The following JMJD1C variants were observed in gnomAD, a reference collection of about 807,000 sequenced individuals.
The protein encoded by JMJD1C is jumonji domain-containing protein 1C.
A neutral mutation model predicts 245.3 loss-of-function variants in JMJD1C; 31 were observed. That is an observed-to-expected ratio of 0.13 (90% CI 0.09 to 0.17). JMJD1C has a LOEUF of 0.17. Among genes scored for constraint, JMJD1C ranks in the 10% least tolerant of loss-of-function variants. JMJD1C has a pLI of 1.00. For synonymous variants in JMJD1C, 1,057 were observed against 1,017.4 expected, an observed-to-expected ratio of 1.04 and a Z score of -0.74; for missense variants, 2,691 against 3,000.2, an observed-to-expected ratio of 0.90 and a Z score of 2.41.
At chr10:63,279,115 T>C (rs1341734074) in intron 2 of JMJD1C, among the ~76,000 whole-genome samples, 5 of 151,620 alleles carry the variant, frequency 3.3e-5, no homozygotes, top group Non-Finnish European at 7.4e-5. Context: ...TCCGGTGTGT[T>C]GGCGGGCGCC....
chr10:63,458,846 C>T (rs557067081), intron 1 of JMJD1C, among the ~76,000 whole-genome samples: 41 of 152,016 alleles, frequency 2.7e-4, no homozygotes, highest in African/African-American at 8.2e-4. Context: ...ACCTCAGTAC[C>T]CAAAGGAGCT....
chr10:63,445,033 C>G (rs550843905), intron 1 of JMJD1C, among the ~76,000 whole-genome samples: 1 of 152,064 alleles, frequency 6.6e-6, no homozygotes, highest in African/African-American at 2.4e-5. Context: ...TCAAGACCAG[C>G]CTGGGCAACA....
intron 2 of JMJD1C, among the ~76,000 whole-genome samples, chr10:63,269,800 C>T (rs368446981): frequency 3.3e-5 from 5 of 152,078 alleles, no homozygotes; most frequent in African/African-American, 1.2e-4. Context: ...AATTTGAAAG[C>T]ATAAAATGCA....
At chr10:63,184,115 T>C (rs1843817043) in intron 21 of JMJD1C, among the ~76,000 whole-genome samples, 1 of 151,682 alleles carries the variant, frequency 6.6e-6, no homozygotes, top group Admixed American at 6.6e-5. Flanking sequence ...TTAGTAGAGA[T>C]GGGGTTTCAC....
chr10:63,205,149 G>A, intron 10 of JMJD1C: 1 of 424,030 alleles, frequency 2.4e-6, no homozygotes, highest in South Asian at 9.9e-5. Context: ...TTGCCACAAA[G>A]GATATATAAT....
At chr10:63,357,534 G>A (rs978117483) in intron 2 of JMJD1C, among the ~76,000 whole-genome samples, 2 of 151,878 alleles carry the variant, frequency 1.3e-5, no homozygotes, top group Non-Finnish European at 2.9e-5. Flanking sequence ...TCGAACTCCC[G>A]ACCTCAGGTG....
intron 2 of JMJD1C, among the ~76,000 whole-genome samples, chr10:63,280,661 A>T (rs1028599402): frequency 3.3e-5 from 5 of 152,330 alleles, no homozygotes. Flanking sequence ...TTCAATTCTA[A>T]GATTTTAATA....
rs188087499 is a variant in JMJD1C at position 63,514,960 on chromosome 10, T to A, written n.113+6778A>T. Among the ~76,000 whole-genome samples, 496 of 151,916 alleles carry A rather than the reference T, an allele frequency of 3.3e-3. 2 individuals are homozygous for A. Among genetic ancestry groups the A allele is most frequent in the African/African-American group, 0.011 (475 of 41,418 alleles). Reference sequence around the variant, plus strand: ...TAATAATACTAAGTATTTTTTTTTTTAAAGCCTACAGTAAACAGGTGTTTT... The same window carrying A: ...TAATAATACTAAGTATTTTTTTTTTAAAAGCCTACAGTAAACAGGTGTTTT... On this transcript the variant is annotated intron_variant and non_coding_transcript_variant, in intron 1 of 3. Transcript: ENST00000633035.
At chr10:63,441,885 C>CT (rs1268580783) in intron 1 of JMJD1C, among the ~76,000 whole-genome samples, 1 of 152,208 alleles carries the variant, frequency 6.6e-6, no homozygotes, top group Non-Finnish European at 1.5e-5. Flanking sequence ...TCTCAATCCT[C>CT]TTCTCAATGT....
At chr10:63,278,345 G>T (rs1000478399) in intron 2 of JMJD1C, among the ~76,000 whole-genome samples, 1 of 142,924 alleles carries the variant, frequency 7.0e-6, no homozygotes, top group African/African-American at 2.6e-5. Context: ...AATTAAAAGA[G>T]AATAATAATA....
At position 63,214,429 on chromosome 10, in the gene JMJD1C, T is replaced by C. The variant is rs529610837; in HGVS notation, c.1738A>G (p.Thr580Ala). Residue 580 changes from threonine to alanine, a missense_variant, in exon 8 of 26, where the codon ACA becomes GCA. Physicochemically the swap from Thr to Ala is moderately conservative, Grantham distance 58. Transcript: ENST00000399262. Reference sequence around the variant, plus strand: ...TGATCATTTCCTGAAGAAGCATTTGTAACACTTGATTGGGTTAGATCCACT... The same window carrying C: ...TGATCATTTCCTGAAGAAGCATTTGCAACACTTGATTGGGTTAGATCCACT... ...VKVDLTQSSV[T>A]NASSGNDHLN... 1.1e-5 allele frequency: 17 copies of C among 1,613,880 alleles called. No individual in the cohort carries two copies. The highest frequency in any genetic ancestry group is 6.7e-5 in the Admixed American group (4 of 60,030).
intron 1 of JMJD1C, among the ~76,000 whole-genome samples, chr10:63,451,958 TA>T (rs1182297279): frequency 5.3e-5 from 8 of 152,054 alleles, no homozygotes; most frequent in Admixed American, 5.2e-4. Flanking sequence ...ATAGAAGAAC[TA>T]AATCAAGAGC....
chr10:63,223,321 A>C (rs1436996719), intron 3 of JMJD1C, among the ~76,000 whole-genome samples: 1 of 150,420 alleles, frequency 6.6e-6, no homozygotes, highest in African/African-American at 2.5e-5. Flanking sequence ...TTCGCCTCCC[A>C]AGTTCAAGCG....
At chr10:63,226,090 AG>A (rs1361400536) in intron 3 of JMJD1C, among the ~76,000 whole-genome samples, 3 of 151,762 alleles carry the variant, frequency 2.0e-5, no homozygotes, top group African/African-American at 7.3e-5. Context: ...TTTATATGTA[AG>A]GGGTAAAAGG....
chr10:63,198,280 T>C (rs1482962429), intron 12 of JMJD1C, among the ~76,000 whole-genome samples: 1 of 152,188 alleles, frequency 6.6e-6, no homozygotes, highest in Admixed American at 6.5e-5. Context: ...TAACTTAATG[T>C]TGTAATGGCA....
intron 2 of JMJD1C, among the ~76,000 whole-genome samples, chr10:63,333,745 G>A (rs899146905): frequency 1.3e-5 from 2 of 152,010 alleles, no homozygotes; most frequent in Non-Finnish European, 2.9e-5. Context: ...GTAAAAAAAC[G>A]AAGAAAAGGC....
chr10:63,228,294 A>T (rs1337141073), intron 3 of JMJD1C, among the ~76,000 whole-genome samples: 5 of 152,196 alleles, frequency 3.3e-5, no homozygotes. Context: ...ATGAAATTTG[A>T]ATTTCATAGA....
chr10:63,272,462 G>C (rs954792824), intron 2 of JMJD1C, among the ~76,000 whole-genome samples: 1 of 152,114 alleles, frequency 6.6e-6, no homozygotes, highest in Non-Finnish European at 1.5e-5. Context: ...TGCTGACCAG[G>C]CTGGTCTCAA....
At chr10:63,171,984 A>G (rs534229157) in intron 24 of JMJD1C, among the ~76,000 whole-genome samples, 1 of 152,362 alleles carries the variant, frequency 6.6e-6, no homozygotes, top group African/African-American at 2.4e-5. Context: ...AATTACGGAC[A>G]ACATCCTTTC....
Sources: allele counts gnomAD v4.1 joint callset (sites outside exome capture counted in the v4.1 genomes callset), GRCh38; gene constraint gnomAD v4.1.1; transcripts MANE v1.5; gene names NCBI Gene and HGNC (gene_info 2026-07-23, HGNC 2026-07-21).